ZNF208: variants seen among roughly 807,000 people sequenced by gnomAD.
The protein encoded by ZNF208 is zinc finger protein 95.
Under a neutral mutation model 12.1 loss-of-function variants are expected in ZNF208, and 10 were observed. That is an observed-to-expected ratio of 0.83 (90% CI 0.51 to 1.40). ZNF208 has a LOEUF of 1.40. ZNF208 is among the 40% of genes most tolerant of loss of function. The probability of loss-of-function intolerance (pLI) is 0.00; values close to 1 mark genes in which losing one functional copy is unlikely to be tolerated. For synonymous variants in ZNF208, 497 were observed against 488.4 expected (o/e 1.02, Z -0.23); for missense variants, 1,652 against 1,485.0 (o/e 1.11, Z -1.85).
intron 4 of ZNF208, among the ~76,000 whole-genome samples, chr19:21,955,528 T>C (rs1157752648): frequency 6.6e-6 from 1 of 152,236 alleles, no homozygotes; most frequent in Non-Finnish European, 1.5e-5. Flanking sequence ...TGTTCATTTC[T>C]TTTTACTCTT....
At chr19:22,004,307 G>A (rs1170248031) in intron 1 of ZNF208, among the ~76,000 whole-genome samples, 1 of 152,110 alleles carries the variant, frequency 6.6e-6, no homozygotes, top group Non-Finnish European at 1.5e-5. Context: ...CCTGAAGTAA[G>A]GAGTTCGAGA....
chr19:21,993,715 T>C (rs150958816), intron 1 of ZNF208, among the ~76,000 whole-genome samples: 272 of 152,140 alleles, frequency 1.8e-3, no homozygotes, highest in African/African-American at 5.8e-3. Flanking sequence ...TGAGGCACAA[T>C]GCAGAGTCCC....
intron 4 of ZNF208, chr19:21,939,993 C>T (rs1008904602): frequency 1.8e-4 from 27 of 152,008 alleles, no homozygotes; most frequent in African/African-American, 6.3e-4. Context: ...AAAAATTGTT[C>T]ATGTATATCG....
At chr19:21,948,387 C>T (rs1359269271) in intron 4 of ZNF208, among the ~76,000 whole-genome samples, 1 of 152,182 alleles carries the variant, frequency 6.6e-6, no homozygotes, top group Non-Finnish European at 1.5e-5. Context: ...TAAATCTGCC[C>T]TCTTGGCAGC....
intron 1 of ZNF208, among the ~76,000 whole-genome samples, chr19:21,994,565 T>TACTTAAGTAAACTTAAATCCG (rs2145574225): frequency 6.6e-6 from 1 of 152,266 alleles, no homozygotes; most frequent in Non-Finnish European, 1.5e-5. Flanking sequence ...TTTTTAAGCT[T>TACTTAAGTAAACTTAAATCCG]ACTTAAGTAA....
Position 21,967,113 on chromosome 19 carries a change from A to G in ZNF208, c.*4078T>C, listed in dbSNP as rs1970185819. On this transcript the variant is annotated 3_prime_UTR_variant, in exon 4 of 4. Coordinates refer to ENST00000397126, the MANE Select transcript of ZNF208 (RefSeq NM_007153.3). ...TTTATTTTTGTTGCACTCATGTTAGATGTTAGTCATAAATTCTTTACAGAG... is the reference window on the plus strand; with the variant it reads ...TTTATTTTTGTTGCACTCATGTTAGGTGTTAGTCATAAATTCTTTACAGAG... 6.6e-6 allele frequency: 1 copy of G among 151,940 alleles called. No homozygotes were observed. Among genetic ancestry groups the G allele is most frequent in the African/African-American group, 2.4e-5 (1 of 41,386 alleles). The allele number at this position is 151,940 out of a possible 1,614,324, so 9.4% of individuals were successfully genotyped here.
At chr19:21,988,694 T>C (rs1437326159) in intron 2 of ZNF208, 89 bp downstream of exon 2, 3 of 1,604,972 alleles carry the variant, frequency 1.9e-6, no homozygotes, top group East Asian at 2.2e-5. Context: ...TATTCTCACA[T>C]TCATCCTCCG....
At chr19:21,943,555 C>T (rs1433711233) in intron 4 of ZNF208, among the ~76,000 whole-genome samples, 3 of 152,168 alleles carry the variant, frequency 2.0e-5, no homozygotes, top group Non-Finnish European at 2.9e-5. Context: ...TCTTTATACA[C>T]AGGAGGATCC....
At position 21,973,547 on chromosome 19, in the gene ZNF208, G is replaced by A; in HGVS notation, c.1487C>T (p.Pro496Leu). 1 of 1,611,732 alleles carries A rather than the reference G, an allele frequency of 6.2e-7. No homozygotes were observed. The highest frequency in any genetic ancestry group is 1.1e-5 in the South Asian group (1 of 90,998). ...TTTGCCACATTCTTCACATTTGTAG[G>A]GTTTCTCTCCAGCATGAGTTGCCTT... ...CDKATHAGEKPYKCEECGKAF... is the reference protein window; with the variant it reads ...CDKATHAGEKLYKCEECGKAF... The change falls in exon 4 of 4, where the codon CCC (proline) becomes CTC (leucine). Residue 496 changes from proline to leucine, a missense_variant. Coordinates refer to ENST00000397126, the MANE Select transcript of ZNF208 (RefSeq NM_007153.3).
chr19:21,949,852 G>T (rs1312759226), intron 4 of ZNF208, among the ~76,000 whole-genome samples: 1 of 152,124 alleles, frequency 6.6e-6, no homozygotes, highest in African/African-American at 2.4e-5. Flanking sequence ...GTTAACAATG[G>T]GAAATAACTA....
intron 4 of ZNF208, among the ~76,000 whole-genome samples, chr19:21,944,919 C>T (rs1379822471): frequency 6.6e-6 from 1 of 152,136 alleles, no homozygotes; most frequent in African/African-American, 2.4e-5. Context: ...ACAATAAGCC[C>T]CAGCATTCGC....
Position 21,974,175 on chromosome 19 carries a change from A to C in ZNF208, c.859T>G (p.Cys287Gly). 6.2e-7 allele frequency: 1 copy of C among 1,604,256 alleles called. No individual in the cohort carries two copies. The highest frequency in any genetic ancestry group is 8.5e-7 in the Non-Finnish European group (1 of 1,172,192). ...IIHTGEKPNK[C>G]EECGKAFSKV... ...CTAAAGGCTTTGCCACATTCTTCAC[A>C]TTTGTTGGGTTTCTCTCCAGTATGA... is the stretch of plus-strand genomic sequence containing the variant. The change falls in exon 4 of 4, where the codon TGT (cysteine) becomes GGT (glycine). Residue 287 changes from cysteine to glycine, a missense_variant. Cys to Gly is a radical substitution (Grantham distance 159). This residue lies in a region of ZNF208 where 410 missense variants were observed against 378.2 expected (regional missense o/e 1.08). Transcript: ENST00000397126.
At chr19:21,948,085 C>A (rs982182116) in intron 4 of ZNF208, among the ~76,000 whole-genome samples, 1 of 152,092 alleles carries the variant, frequency 6.6e-6, no homozygotes, top group African/African-American at 2.4e-5. Flanking sequence ...TCTCTTTCCG[C>A]CACACCAAAA....
intron 4 of ZNF208, among the ~76,000 whole-genome samples, chr19:21,951,777 C>T (rs1008059332): frequency 1.3e-5 from 2 of 152,190 alleles, no homozygotes; most frequent in African/African-American, 4.8e-5. Flanking sequence ...AGGTACATGG[C>T]TCATCTCACT....
At chr19:21,981,226 T>A (rs1254866804) in intron 3 of ZNF208, among the ~76,000 whole-genome samples, 2 of 152,156 alleles carry the variant, frequency 1.3e-5, no homozygotes, top group African/African-American at 4.8e-5. Context: ...AGCATCATCC[T>A]GATACCAAAA....
At chr19:21,982,789 G>A (rs1970566704) in intron 3 of ZNF208, among the ~76,000 whole-genome samples, 2 of 152,146 alleles carry the variant, frequency 1.3e-5, no homozygotes, top group African/African-American at 4.8e-5. Context: ...AATAAATGGT[G>A]TTGAAAAAAC....
downstream of ZNF208, among the ~76,000 whole-genome samples, chr19:21,962,302 C>T (rs550856703): frequency 1.6e-3 from 248 of 152,124 alleles, no homozygotes; most frequent in Middle Eastern, 3.4e-3. Context: ...TGAGGTCTAG[C>T]TGTATGGTGA....
intron 4 of ZNF208, among the ~76,000 whole-genome samples, chr19:21,958,134 T>C (rs1038292313): frequency 4.0e-5 from 6 of 151,800 alleles, no homozygotes; most frequent in African/African-American, 1.5e-4. Context: ...ACTTCCAATT[T>C]CATCCATGTC....
chr19:21,988,955 A>G, intron 1 of ZNF208, 46 bp from the exon 2 acceptor site: 1 of 1,605,616 alleles, frequency 6.2e-7, no homozygotes, highest in South Asian at 1.1e-5. Context: ...CATGGGCAGA[A>G]TTTTTAATTT....
Sources: allele counts gnomAD v4.1 joint callset (sites outside exome capture counted in the v4.1 genomes callset), GRCh38; gene constraint gnomAD v4.1.1; regional missense constraint gnomAD v4.1.1; transcripts MANE v1.5; gene names NCBI Gene and HGNC (gene_info 2026-07-23, HGNC 2026-07-21).